ANKS1B: variants seen among roughly 807,000 people sequenced by gnomAD.
ANKS1B encodes the protein ankyrin repeat and sterile alpha motif domain-containing protein 1B.
In ANKS1B, 36 loss-of-function variants were observed where a neutral mutation model predicts 148.3. That is an observed-to-expected ratio of 0.24 (90% CI 0.19 to 0.32). The LOEUF (loss-of-function observed/expected upper bound fraction) is 0.32. Ranked by LOEUF, ANKS1B falls within the 10% of genes least tolerant of loss-of-function variation. The pLI, the probability that ANKS1B is intolerant of heterozygous loss-of-function variation, is 1.00. For synonymous variants in ANKS1B, 542 were observed against 560.8 expected, an observed-to-expected ratio of 0.97 and a Z score of 0.47; for missense variants, 1,157 against 1,542.6, an observed-to-expected ratio of 0.75 and a Z score of 4.19.
chr12:99,040,093 T>A (rs750631228), intron 17 of ANKS1B, among the ~76,000 whole-genome samples: 1 of 152,184 alleles, frequency 6.6e-6, no homozygotes, highest in Non-Finnish European at 1.5e-5. Context: ...TTACTGTAAG[T>A]CTTTCTACCT....
At chr12:99,872,497 C>G (rs1303572766) in intron 1 of ANKS1B, among the ~76,000 whole-genome samples, 1 of 151,954 alleles carries the variant, frequency 6.6e-6, no homozygotes, top group Non-Finnish European at 1.5e-5. Context: ...ATCCAGGAAC[C>G]TGAAATCATT....
At chr12:98,830,774 G>A (rs1198329514) in intron 18 of ANKS1B, among the ~76,000 whole-genome samples, 1 of 152,030 alleles carries the variant, frequency 6.6e-6, no homozygotes, top group Non-Finnish European at 1.5e-5. Context: ...AAAAGTTCTT[G>A]TAGGACTCAT....
chr12:98,969,720 A>G (rs1277763398), intron 17 of ANKS1B, among the ~76,000 whole-genome samples: 1 of 152,138 alleles, frequency 6.6e-6, no homozygotes, highest in African/African-American at 2.4e-5. Context: ...TTGTTTGACT[A>G]AAGGCTGTAA....
chr12:99,690,090 G>A (rs1378429159), intron 8 of ANKS1B, among the ~76,000 whole-genome samples: 2 of 152,184 alleles, frequency 1.3e-5, no homozygotes, highest in African/African-American at 2.4e-5. Flanking sequence ...GCAGGACAGA[G>A]TGAGTGCAAG....
At chr12:98,995,645 A>G (rs1598202326) in intron 17 of ANKS1B, among the ~76,000 whole-genome samples, 1 of 152,340 alleles carries the variant, frequency 6.6e-6, no homozygotes, top group East Asian at 1.9e-4. Flanking sequence ...CATCCAATGT[A>G]GAACAACTAA....
intron 8 of ANKS1B, among the ~76,000 whole-genome samples, chr12:99,695,266 T>C (rs2053717117): frequency 6.6e-6 from 1 of 152,232 alleles, no homozygotes. Flanking sequence ...TATGCATGGC[T>C]AGATACAAAT....
chr12:99,314,626 C>T (rs2083709555), intron 12 of ANKS1B, among the ~76,000 whole-genome samples: 1 of 152,070 alleles, frequency 6.6e-6, no homozygotes, highest in Non-Finnish European at 1.5e-5. Context: ...CATCTACAAC[C>T]ATCTGATCTT....
intron 10 of ANKS1B, among the ~76,000 whole-genome samples, chr12:99,483,181 C>T (rs1490533745): frequency 6.6e-6 from 1 of 150,918 alleles, no homozygotes; most frequent in Non-Finnish European, 1.5e-5. Context: ...CCCTTCTATG[C>T]CTCATTTGTT....
intron 15 of ANKS1B, chr12:99,105,133 G>C (rs1566101443): frequency 6.6e-6 from 1 of 152,170 alleles, no homozygotes; most frequent in Non-Finnish European, 1.5e-5. Context: ...ATCTAGAAAA[G>C]TATTTTGTTC....
At chr12:99,923,784 C>A (rs1426470134) in intron 1 of ANKS1B, among the ~76,000 whole-genome samples, 1 of 152,008 alleles carries the variant, frequency 6.6e-6, no homozygotes, top group African/African-American at 2.4e-5. Context: ...CCTATTTATT[C>A]ATGTCTCCCT....
chr12:99,586,543 C>G (rs555559531), intron 9 of ANKS1B, among the ~76,000 whole-genome samples: 2 of 152,350 alleles, frequency 1.3e-5, no homozygotes, highest in Non-Finnish European at 2.9e-5. Flanking sequence ...GCCCTCCAAA[C>G]TGTTCCAACC....
intron 14 of ANKS1B, chr12:99,155,163 CAG>C: frequency 1.4e-6 from 2 of 1,432,402 alleles, no homozygotes; most frequent in South Asian, 1.5e-5. Context: ...TAGCTTATAA[CAG>C]AGCTCACGAC....
chr12:99,829,755 G>C (rs1192705358), intron 1 of ANKS1B, among the ~76,000 whole-genome samples: 1 of 152,156 alleles, frequency 6.6e-6, no homozygotes, highest in African/African-American at 2.4e-5. Flanking sequence ...GCTTGAACCT[G>C]GGAGGCAGAG....
chr12:99,241,124 A>C (rs916734820), intron 14 of ANKS1B, among the ~76,000 whole-genome samples: 1 of 152,154 alleles, frequency 6.6e-6, no homozygotes, highest in Non-Finnish European at 1.5e-5. Context: ...TTTTTTGAAA[A>C]GATCAACAAA....
chr12:99,604,194 T>C (rs2097830746), intron 9 of ANKS1B, among the ~76,000 whole-genome samples: 1 of 152,068 alleles, frequency 6.6e-6, no homozygotes. Context: ...GCATACAACA[T>C]TTTAACATAA....
At chr12:99,327,603 CTG>C in intron 12 of ANKS1B, among the ~76,000 whole-genome samples, 1 of 148,414 alleles carries the variant, frequency 6.7e-6, no homozygotes, top group Non-Finnish European at 1.5e-5. Flanking sequence ...ACGCATGACT[CTG>C]TGTGTTAGGG....
At chr12:98,766,593 A>C (rs1430633851) in intron 25 of ANKS1B, among the ~76,000 whole-genome samples, 1 of 152,238 alleles carries the variant, frequency 6.6e-6, no homozygotes, top group Non-Finnish European at 1.5e-5. Flanking sequence ...CAGGTGGAGA[A>C]AATGAGAAAC....
intron 12 of ANKS1B, among the ~76,000 whole-genome samples, chr12:99,348,484 C>CA (rs1474090023): frequency 6.6e-6 from 1 of 151,780 alleles, no homozygotes; most frequent in Admixed American, 6.6e-5. Flanking sequence ...AGATAAACTC[C>CA]AACAGATCTA....
chr12:98,927,826 A>G (rs1355032503), intron 17 of ANKS1B, among the ~76,000 whole-genome samples: 1 of 151,892 alleles, frequency 6.6e-6, no homozygotes, highest in East Asian at 1.9e-4. Flanking sequence ...TTTATATGTT[A>G]AAAAGAAGAA....
Sources: allele counts gnomAD v4.1 joint callset (sites outside exome capture counted in the v4.1 genomes callset), GRCh38; gene constraint gnomAD v4.1.1; transcripts MANE v1.5; gene names NCBI Gene and HGNC (gene_info 2026-07-23, HGNC 2026-07-21).